The following THAP3 variants were observed in gnomAD, a reference collection of about 807,000 sequenced individuals.
THAP3 encodes the protein THAP domain containing 3, also known as THAP domain-containing protein 3.
A neutral mutation model predicts 17.7 loss-of-function variants in THAP3; 12 were observed. The observed-to-expected ratio is 0.68, with a 90% CI of 0.43 to 1.10. The LOEUF is 1.10. Ranked by LOEUF, THAP3 falls within the 50% of genes least tolerant of loss-of-function variation. THAP3 has a pLI of 0.00. For missense variants in THAP3, 289 were observed against 318.0 expected (o/e 0.91, Z 0.69); for synonymous variants, 133 against 126.9 (o/e 1.05, Z -0.32).
chr1:6,633,329 G>C lies in THAP3; in HGVS notation c.*252G>C. 2.9e-6 allele frequency: 4 copies of C among 1,380,526 alleles called. No homozygotes were observed. The highest frequency in any genetic ancestry group is 3.8e-6 in the Non-Finnish European group (4 of 1,066,570). 85.5% of individuals were successfully genotyped at this position (1,380,526 alleles called of 1,614,324 possible). ...AGCTTATCCTCCCATGGTAACAGAA[G>C]TCCAGGCTGAGGCTGATTCTGGACG... is the stretch of plus-strand genomic sequence containing the variant. On this transcript the variant is annotated 3_prime_UTR_variant, in exon 6 of 6. Transcript: ENST00000054650.
rs140490260 is a variant in THAP3, at chr1:6,628,505, G to A, written c.81G>A (p.Pro27=). 30 of 1,611,098 alleles carry A rather than the reference G, an allele frequency of 1.9e-5. No individual in the cohort carries two copies. The highest frequency in any genetic ancestry group is 1.0e-4 in the Admixed American group (6 of 59,672). ...RRKQLTFHRF[P]FSRPELLKEW... ...CCCGTGCCTCTGCCCTTAGGTTTCC[G>A]TTCAGCCGCCCGGAGCTGCTGAAGG... The change falls in exon 3 of 6, where the codon CCG becomes CCA. Residue 27 remains proline (P), a synonymous_variant. Coordinates refer to ENST00000054650, the MANE Select transcript of THAP3 (RefSeq NM_001195753.2).
chr1:6,625,858 G>A (rs975413581), intron 2 of THAP3, among the ~76,000 whole-genome samples: 1 of 152,216 alleles, frequency 6.6e-6, no homozygotes, highest in African/African-American at 2.4e-5. Flanking sequence ...ACATTCCGAA[G>A]GGGGGCTTGT....
Position 6,625,169 on chromosome 1 carries a change from G to A in THAP3, c.-50G>A, listed in dbSNP as rs927376647. ...CCGCAGGTCCCTCCCCTCTCCGCAG[G>A]CCCCGCCGCCGCCGCCATCTTTGTT... On this transcript the variant is annotated 5_prime_UTR_variant, in exon 2 of 6. Coordinates refer to ENST00000054650, the MANE Select transcript of THAP3 (RefSeq NM_001195753.2). 5 of 1,521,144 alleles carry A rather than the reference G, an allele frequency of 3.3e-6. No individual in the cohort carries two copies. Among genetic ancestry groups the A allele is most frequent in the Non-Finnish European group, 4.4e-6 (5 of 1,137,726 alleles). The allele number at this position is 1,521,144 out of a possible 1,614,324, so 94.2% of individuals were successfully genotyped here.
intron 2 of THAP3, chr1:6,628,203 C>A (rs993801076): frequency 8.1e-6 from 3 of 372,304 alleles, no homozygotes; most frequent in Non-Finnish European, 9.8e-6. Flanking sequence ...CTCATTACCC[C>A]CCATCCCTAG....
chr1:6,635,080 G>A (rs1250788427), downstream of THAP3: 2 of 198,480 alleles, frequency 1.0e-5, no homozygotes, highest in African/African-American at 2.3e-5. Context: ...AGCTCTGGGA[G>A]TGGGGAAAAA....
rs1641530527 is a variant in THAP3, at chr1:6,628,751, TG to T, written c.267+65del. On this transcript the variant is annotated intron_variant, in intron 3 of 5. Transcript: ENST00000054650. ...CCAGCCTGCGTTGTTTACCAGCAGC[TG>T]GGGGCAGTGGGGGTGGCGGCATGTG... 7.3e-6 allele frequency: 11 copies of T among 1,507,726 alleles called. No homozygotes were observed. In the Admixed American group the frequency reaches 2.2e-4, roughly 31 times the overall value. 93.4% of individuals were successfully genotyped at this position (1,507,726 alleles called of 1,614,324 possible). A position where few individuals can be genotyped will look rare whatever the true frequency, so the allele number is the denominator to read the frequency against.
downstream of THAP3, chr1:6,634,781 C>T: frequency 7.6e-7 from 1 of 1,317,972 alleles, no homozygotes; most frequent in Non-Finnish European, 1.0e-6. Context: ...AGCTGCAGTG[C>T]CACCTGCTGG....
chr1:6,632,514 G>T lies in THAP3; in HGVS notation c.438+19G>T. 4 of 1,613,912 alleles carry T rather than the reference G, an allele frequency of 2.5e-6. No individual in the cohort carries two copies. Among genetic ancestry groups the T allele is most frequent in the Non-Finnish European group, 3.4e-6 (4 of 1,179,916 alleles). On this transcript the variant is annotated intron_variant, in intron 5 of 5. Coordinates refer to ENST00000054650, the MANE Select transcript of THAP3 (RefSeq NM_001195753.2). ...AAAACAGGTAAGACTGAGTGCAAAG[G>T]TGGTCTGTGGTTGGACACAAGATGA...
rs76280583 is a variant in THAP3 at position 6,632,777 on chromosome 1, C to G, written c.439-19C>G. On this transcript the variant is annotated intron_variant, in intron 5 of 5. Transcript: ENST00000054650. ...CCTGCTGGTGATGCAGCTCTAGGCT[C>G]TCACTCCCCTGTCCTCAGGTCTCGC... is the stretch of plus-strand genomic sequence containing the variant. 6.2e-7 allele frequency: 1 copy of G among 1,612,410 alleles called. No individual in the cohort carries two copies. The highest frequency in any genetic ancestry group is 1.1e-5 in the South Asian group (1 of 91,038).
At position 6,624,881 on chromosome 1, in the gene THAP3, C is replaced by T. The variant is rs1051956737; in HGVS notation, c.-143C>T. The T allele has an allele frequency of 1.7e-5, 6 of 355,372 alleles. No homozygotes were observed. Among genetic ancestry groups the T allele is most frequent in the Non-Finnish European group, 3.1e-5 (6 of 192,200 alleles). The allele number at this position is 355,372 out of a possible 1,614,324, so 22.0% of individuals were successfully genotyped here. A position where few individuals can be genotyped will look rare whatever the true frequency, so the allele number is the denominator to read the frequency against. On this transcript the variant is annotated 5_prime_UTR_variant, in exon 1 of 6. Transcript: ENST00000054650. ...GGCCGTTGGTTTCCAGTTGTCCAAG[C>T]CTGTGAGTGGCTATGCGTCCTGGTT... is the stretch of plus-strand genomic sequence containing the variant.
At chr1:6,634,512 C>A (rs750202031), downstream of THAP3, 6 of 1,353,670 alleles carry the variant, frequency 4.4e-6, no homozygotes, top group South Asian at 7.0e-5. Flanking sequence ...TTGGGGCCCC[C>A]CGCGCCAGCT....
In THAP3 at chr1:6,632,453, A is replaced by C. The variant is rs1333726902; in HGVS notation, c.396A>C (p.Glu132Asp). The change falls in exon 5 of 6, where the codon GAA becomes GAC. Residue 132 changes from glutamate to aspartate, a missense_variant. Coordinates refer to ENST00000054650, the MANE Select transcript of THAP3 (RefSeq NM_001195753.2). Reference sequence around the variant, plus strand: ...GGAGAAACATGGACACTGCACTTGAAGAGCTTCAGTTGCCCCCAAATGCCG... The same window carrying C: ...GGAGAAACATGGACACTGCACTTGACGAGCTTCAGTTGCCCCCAAATGCCG... Reference protein sequence around the residue: ...SPGRNMDTALEELQLPPNAEG... With the variant: ...SPGRNMDTALDELQLPPNAEG... The C allele has an allele frequency of 6.2e-7, 1 of 1,614,020 alleles. No individual in the cohort carries two copies. Among genetic ancestry groups the C allele is most frequent in the African/African-American group, 1.3e-5 (1 of 74,948 alleles).
chr1:6,634,483 G>T, downstream of THAP3: 3 of 1,330,154 alleles, frequency 2.3e-6, no homozygotes, highest in South Asian at 3.6e-5. Context: ...GCTGTGGGTG[G>T]GCTGGAGGCC....
In THAP3 at chr1:6,633,244, A is replaced by G. The variant is rs151253460; in HGVS notation, c.*167A>G. ...GCCAAGCTCCCCGGCGAGAGCCCCA[A>G]TGCCGTCTGGGGGACGTTTAGAGGC... On this transcript the variant is annotated 3_prime_UTR_variant, in exon 6 of 6. Transcript: ENST00000054650. The G allele has an allele frequency of 2.0e-4, 293 of 1,441,374 alleles. 1 individual carries two copies. The East Asian group carries it at 3.5e-3, about 17-fold the overall frequency. 89.3% of individuals were successfully genotyped at this position (1,441,374 alleles called of 1,614,324 possible). A position where few individuals can be genotyped will look rare whatever the true frequency, so the allele number is the denominator to read the frequency against.
intron 3 of THAP3, among the ~76,000 whole-genome samples, chr1:6,629,956 G>C (rs1281173702): frequency 6.6e-6 from 1 of 152,222 alleles, no homozygotes; most frequent in Non-Finnish European, 1.5e-5. Flanking sequence ...GTGGCACCTC[G>C]AGTGGTGAGC....
At chr1:6,625,401 G>T in intron 2 of THAP3, 109 bp downstream of exon 2, 5 of 1,056,656 alleles carry the variant, frequency 4.7e-6, no homozygotes, top group Non-Finnish European at 6.2e-6. Flanking sequence ...CGGCCGCTGG[G>T]CCCGGGGACA....
Position 6,624,970 on chromosome 1 carries a change from G to A in THAP3, c.-70+16G>A. 5.6e-6 allele frequency: 3 copies of A among 532,480 alleles called. No homozygotes were observed. The Admixed American group carries it at 1.1e-4, about 19-fold the overall frequency. The allele number at this position is 532,480 out of a possible 1,614,324, so 33.0% of individuals were successfully genotyped here. ...GGCGAATGGGGTAAGACTTGCACAGGCCCAAGGCTAGGAGTTGGGGTTTCG... is the reference window on the plus strand; with the variant it reads ...GGCGAATGGGGTAAGACTTGCACAGACCCAAGGCTAGGAGTTGGGGTTTCG... On this transcript the variant is annotated intron_variant, in intron 1 of 5. Coordinates refer to ENST00000054650, the MANE Select transcript of THAP3 (RefSeq NM_001195753.2).
chr1:6,634,751 C>T (rs1641724216), downstream of THAP3: 2 of 1,346,782 alleles, frequency 1.5e-6, no homozygotes, highest in Non-Finnish European at 9.9e-7. Context: ...TGTGAGGACG[C>T]TGGACCTGCA....
downstream of THAP3, chr1:6,635,052 C>A (rs887297071): frequency 1.2e-5 from 3 of 253,722 alleles, no homozygotes; most frequent in Non-Finnish European, 2.2e-5. Context: ...CCGAGGGGGC[C>A]GGTGGAATGA....
Sources: allele counts gnomAD v4.1 joint callset (sites outside exome capture counted in the v4.1 genomes callset), GRCh38; gene constraint gnomAD v4.1.1; transcripts MANE v1.5; gene names NCBI Gene and HGNC (gene_info 2026-07-23, HGNC 2026-07-21).